The following DLG1 variants were observed in gnomAD, a reference collection of about 807,000 sequenced individuals.
DLG1 encodes the protein discs large MAGUK scaffold protein 1, also known as disks large homolog 1.
In DLG1, 42 loss-of-function variants were observed where a neutral mutation model predicts 123.4. That is an observed-to-expected ratio of 0.34 (90% confidence interval 0.27 to 0.44). The LOEUF is 0.44. DLG1 is among the 20% of genes least tolerant of loss of function. The probability of loss-of-function intolerance (pLI) is 1.00; values close to 1 mark genes in which losing one functional copy is unlikely to be tolerated. For synonymous variants in DLG1, 317 were observed against 356.2 expected, an observed-to-expected ratio of 0.89 and a Z score of 1.24; for missense variants, 942 against 1,082.6, an observed-to-expected ratio of 0.87 and a Z score of 1.82.
chr3:197,118,167 C>T (rs1229318838), intron 12 of DLG1, among the ~76,000 whole-genome samples: 1 of 152,014 alleles, frequency 6.6e-6, no homozygotes, highest in Non-Finnish European at 1.5e-5. Context: ...GCATGAGGAA[C>T]AGTAATCAAG....
chr3:197,268,795 ATT>A (rs1762744394), intron 4 of DLG1, among the ~76,000 whole-genome samples: 2 of 151,422 alleles, frequency 1.3e-5, no homozygotes, highest in South Asian at 4.2e-4. Context: ...GAGGTACAAA[ATT>A]TTTTCTTTCT....
intron 4 of DLG1, among the ~76,000 whole-genome samples, chr3:197,264,987 T>C (rs1373312870): frequency 6.6e-5 from 10 of 152,164 alleles, no homozygotes; most frequent in Admixed American, 3.3e-4. Flanking sequence ...TCAAAAAAGC[T>C]TGCATAGATC....
intron 3 of DLG1, among the ~76,000 whole-genome samples, chr3:197,286,285 C>T (rs1407639784): frequency 1.3e-5 from 2 of 152,224 alleles, no homozygotes; most frequent in South Asian, 2.1e-4. Context: ...AAAACAACAG[C>T]GGTCTCCAAC....
At chr3:197,056,660 C>A (rs1459734289) in intron 23 of DLG1, among the ~76,000 whole-genome samples, 1 of 152,108 alleles carries the variant, frequency 6.6e-6, no homozygotes, top group East Asian at 1.9e-4. Context: ...TTTTCCTTAA[C>A]ATTTTCTGAA....
chr3:197,081,903 A>G (rs1312693723), intron 16 of DLG1, among the ~76,000 whole-genome samples: 1 of 152,228 alleles, frequency 6.6e-6, no homozygotes, highest in Non-Finnish European at 1.5e-5. Context: ...ATCTTGCAAA[A>G]TGTCATGTAA....
chr3:197,059,864 C>CTA (rs1189970107), intron 23 of DLG1, 25 bp downstream of exon 23: 1 of 1,482,092 alleles, frequency 6.7e-7, no homozygotes, highest in South Asian at 1.1e-5. Context: ...TACACAGAGG[C>CTA]TATGCCTTAG....
At chr3:197,164,851 G>C (rs1462089095) in intron 5 of DLG1, among the ~76,000 whole-genome samples, 1 of 151,828 alleles carries the variant, frequency 6.6e-6, no homozygotes, top group Non-Finnish European at 1.5e-5. Flanking sequence ...GAACCCAGCA[G>C]GTGGAAGTTG....
At chr3:197,070,195 T>C (rs1742654309) in intron 18 of DLG1, 2 of 151,544 alleles carry the variant, frequency 1.3e-5, no homozygotes, top group Admixed American at 1.3e-4. Flanking sequence ...AAAATAAAAA[T>C]AAAACTTTCA....
chr3:197,194,885 TTAAA>T (rs1721584016), intron 4 of DLG1, among the ~76,000 whole-genome samples: 1 of 152,180 alleles, frequency 6.6e-6, no homozygotes, highest in Non-Finnish European at 1.5e-5. Flanking sequence ...ATAAAATTAT[TTAAA>T]TAAAGTCAAT....
At chr3:197,091,999 G>A (rs1412996788) in intron 14 of DLG1, among the ~76,000 whole-genome samples, 19 of 152,072 alleles carry the variant, frequency 1.2e-4, no homozygotes, top group Admixed American at 1.2e-3. Context: ...AAAAAGCTTA[G>A]AAACATTTAA....
At chr3:197,115,668 C>T (rs1459263236) in intron 13 of DLG1, among the ~76,000 whole-genome samples, 2 of 152,138 alleles carry the variant, frequency 1.3e-5, no homozygotes, top group African/African-American at 4.8e-5. Flanking sequence ...TTAATAGACA[C>T]ATAGCAAACT....
intron 24 of DLG1, among the ~76,000 whole-genome samples, chr3:197,047,657 G>C (rs1724275074): frequency 6.6e-6 from 1 of 151,642 alleles, no homozygotes; most frequent in East Asian, 1.9e-4. Context: ...CATTAAAAAG[G>C]GGCCAAGACT....
chr3:197,194,173 G>C (rs1027753640), intron 5 of DLG1, among the ~76,000 whole-genome samples: 3 of 152,106 alleles, frequency 2.0e-5, no homozygotes, highest in Non-Finnish European at 4.4e-5. Context: ...AAATTTAATA[G>C]TTATTTCCAT....
At chr3:197,073,669 CTT>C (rs746792062) in intron 18 of DLG1, among the ~76,000 whole-genome samples, 3 of 152,154 alleles carry the variant, frequency 2.0e-5, no homozygotes, top group Non-Finnish European at 2.9e-5. Context: ...ATTTGACTCT[CTT>C]CTTCTCAGAA....
intron 5 of DLG1, among the ~76,000 whole-genome samples, chr3:197,155,058 T>C (rs1795758695): frequency 6.6e-6 from 1 of 152,060 alleles, no homozygotes; most frequent in Non-Finnish European, 1.5e-5. Context: ...ATGAAACACA[T>C]GAATATAAAC....
intron 14 of DLG1, among the ~76,000 whole-genome samples, chr3:197,100,883 A>G (rs1224190570): frequency 6.6e-6 from 1 of 152,214 alleles, no homozygotes; most frequent in Non-Finnish European, 1.5e-5. Flanking sequence ...ACCAGTTTAG[A>G]CAAATGTCAT....
In DLG1 at chr3:197,119,544, A is replaced by G. The variant is rs1348931272; in HGVS notation, c.1166-14T>C. On this transcript the variant is annotated splice_polypyrimidine_tract_variant and intron_variant, in intron 11 of 24. Transcript: ENST00000667157. ...GCTGAGAAGAAGCTTCAAAATAAAC[A>G]AAGTGAAAAATACTTCAAACACGAA... 1.3e-6 allele frequency: 2 copies of G among 1,595,284 alleles called. No homozygotes were observed. The highest frequency in any genetic ancestry group is 1.1e-5 in the South Asian group (1 of 88,922).
chr3:197,089,385 G>C (rs1043305401), intron 15 of DLG1, among the ~76,000 whole-genome samples: 1 of 152,040 alleles, frequency 6.6e-6, no homozygotes, highest in South Asian at 2.1e-4. Flanking sequence ...AAATTAGCCA[G>C]GCATGGTGGC....
In DLG1 at chr3:197,042,832, C is replaced by G. The variant is rs1391219061; in HGVS notation, c.*1791G>C. 6.6e-6 allele frequency: 1 copy of G among 152,184 alleles called. No individual in the cohort carries two copies. Among genetic ancestry groups the G allele is most frequent in the African/African-American group, 2.4e-5 (1 of 41,434 alleles). 9.4% of individuals were successfully genotyped at this position (152,184 alleles called of 1,614,324 possible). Reference sequence around the variant, plus strand: ...TCTGCTGCCTAACGGCTCTTGGATTCGGTTATAAGTTACATGATGCCTCAA... The same window carrying G: ...TCTGCTGCCTAACGGCTCTTGGATTGGGTTATAAGTTACATGATGCCTCAA... On this transcript the variant is annotated 3_prime_UTR_variant, in exon 25 of 25. Coordinates refer to ENST00000667157, the MANE Select transcript of DLG1 (RefSeq NM_001366207.1).
Sources: allele counts gnomAD v4.1 joint callset (sites outside exome capture counted in the v4.1 genomes callset), GRCh38; gene constraint gnomAD v4.1.1; transcripts MANE v1.5; gene names NCBI Gene and HGNC (gene_info 2026-07-23, HGNC 2026-07-21).